The following SMYD3 variants were observed in gnomAD, a reference collection of about 807,000 sequenced individuals.
SMYD3 encodes SET and MYND domain containing 3, also known as histone-lysine N-methyltransferase SMYD3.
Under a neutral mutation model 57.7 loss-of-function variants are expected in SMYD3, and 36 were observed. That is an observed-to-expected ratio of 0.62 (90% confidence interval 0.48 to 0.82). SMYD3 has a LOEUF of 0.82. Among genes scored for constraint, SMYD3 ranks in the 40% least tolerant of loss-of-function variants. The pLI is 0.00. For synonymous variants in SMYD3, 211 were observed against 195.0 expected, an observed-to-expected ratio of 1.08 and a Z score of -0.68; for missense variants, 515 against 538.8, an observed-to-expected ratio of 0.96 and a Z score of 0.44.
At chr1:246,363,089 T>C (rs2066027465) in intron 1 of SMYD3, among the ~76,000 whole-genome samples, 1 of 147,094 alleles carries the variant, frequency 6.8e-6, no homozygotes, top group African/African-American at 2.6e-5. Context: ...TTCTGGGAGG[T>C]GAGGAGCGTC....
chr1:246,471,683 T>A (rs144624845), intron 1 of SMYD3, among the ~76,000 whole-genome samples: 1 of 152,268 alleles, frequency 6.6e-6, no homozygotes, highest in African/African-American at 2.4e-5. Flanking sequence ...CTCTGCTTAC[T>A]GTTCCACTCG....
At chr1:246,033,719 G>A (rs1044486394) in intron 5 of SMYD3, among the ~76,000 whole-genome samples, 4 of 152,088 alleles carry the variant, frequency 2.6e-5, no homozygotes, top group Non-Finnish European at 5.9e-5. Flanking sequence ...CCCAGGAGGT[G>A]GAAGTTGCAG....
At chr1:245,848,516 C>T (rs1322270462) in intron 10 of SMYD3, among the ~76,000 whole-genome samples, 3 of 152,178 alleles carry the variant, frequency 2.0e-5, no homozygotes, top group East Asian at 3.9e-4. Context: ...TCGAGGGATC[C>T]TCCTGCCTCA....
intron 5 of SMYD3, among the ~76,000 whole-genome samples, chr1:246,296,310 T>C (rs570089551): frequency 6.6e-6 from 1 of 152,206 alleles, no homozygotes; most frequent in African/African-American, 2.4e-5. Flanking sequence ...ACTTTAGCCA[T>C]GAACAACTCA....
intron 5 of SMYD3, among the ~76,000 whole-genome samples, chr1:246,307,493 C>G (rs1054038960): frequency 6.9e-6 from 1 of 145,768 alleles, no homozygotes; most frequent in Admixed American, 7.1e-5. Context: ...GATCTCGGCT[C>G]ACTGCAAGCT....
intron 5 of SMYD3, among the ~76,000 whole-genome samples, chr1:246,264,634 G>A (rs1169510172): frequency 1.3e-5 from 2 of 152,074 alleles, no homozygotes; most frequent in Non-Finnish European, 2.9e-5. Flanking sequence ...ACATTCTATG[G>A]GAATTGCAGG....
intron 10 of SMYD3, among the ~76,000 whole-genome samples, chr1:245,810,137 C>T (rs986152987): frequency 1.3e-5 from 2 of 152,204 alleles, no homozygotes; most frequent in Admixed American, 6.5e-5. Flanking sequence ...CCGCAGTACT[C>T]TGGGAGTCTA....
At chr1:245,851,335 G>C (rs528314226) in intron 10 of SMYD3, among the ~76,000 whole-genome samples, 4 of 152,162 alleles carry the variant, frequency 2.6e-5, no homozygotes, top group Non-Finnish European at 5.9e-5. Context: ...AAATATTTTT[G>C]TTGAAAAGGA....
At chr1:245,785,224 G>C (rs2046986823) in intron 10 of SMYD3, among the ~76,000 whole-genome samples, 1 of 152,024 alleles carries the variant, frequency 6.6e-6, no homozygotes, top group Admixed American at 6.5e-5. Context: ...TTACATTACG[G>C]AGAATGTGGA....
chr1:246,115,867 A>G (rs6426276), intron 5 of SMYD3, among the ~76,000 whole-genome samples: 127,741 of 152,184 alleles, frequency 0.84, 53,803 homozygotes, highest in Admixed American at 0.89. Context: ...GGCTGGGCGT[A>G]GTGGCTCACA....
At chr1:246,005,544 CA>C (rs2059153719) in intron 5 of SMYD3, among the ~76,000 whole-genome samples, 1 of 152,186 alleles carries the variant, frequency 6.6e-6, no homozygotes, top group African/African-American at 2.4e-5. Context: ...ATAAGCAAAT[CA>C]AAACTCCCTT....
At chr1:246,337,308 T>A (rs1025101674) in intron 2 of SMYD3, among the ~76,000 whole-genome samples, 4 of 152,224 alleles carry the variant, frequency 2.6e-5, no homozygotes, top group Admixed American at 2.0e-4. Flanking sequence ...AAGAAATGTG[T>A]ATAAATTATT....
At chr1:246,180,760 A>C (rs1572166758) in intron 5 of SMYD3, among the ~76,000 whole-genome samples, 1 of 4,130 alleles carries the variant, frequency 2.4e-4, no homozygotes, top group Middle Eastern at 0.062. Context: ...ACTCTGTCTC[A>C]AAAAAAAAAA....
At chr1:246,370,268 A>C (rs1022809667) in intron 1 of SMYD3, among the ~76,000 whole-genome samples, 2 of 152,214 alleles carry the variant, frequency 1.3e-5, no homozygotes, top group African/African-American at 4.8e-5. Flanking sequence ...ATGGCAATCA[A>C]GAAAGGCAGA....
intron 5 of SMYD3, among the ~76,000 whole-genome samples, chr1:246,003,201 A>G (rs1229727249): frequency 2.0e-5 from 3 of 152,212 alleles, no homozygotes; most frequent in Non-Finnish European, 4.4e-5. Flanking sequence ...AGAAAGGGGA[A>G]AAACTCTATT....
intron 5 of SMYD3, among the ~76,000 whole-genome samples, chr1:246,268,981 T>C (rs2148540572): frequency 6.6e-6 from 1 of 152,154 alleles, no homozygotes; most frequent in South Asian, 2.1e-4. Context: ...AGCTGAAGAG[T>C]AAAAAGTTAC....
intron 1 of SMYD3, among the ~76,000 whole-genome samples, chr1:246,367,378 A>C (rs569756455): frequency 6.6e-6 from 1 of 152,320 alleles, no homozygotes; most frequent in Non-Finnish European, 1.5e-5. Flanking sequence ...ATATAAACTA[A>C]ATTTGAAGAT....
rs559595473 is a variant in SMYD3, at chr1:245,962,227, A to G, written c.532-32290T>C. ...GAAATCCAAAGGCTGCAAGTAATCA[A>G]TCTCACTCCTTGCTCTGTTTTTCCT... On this transcript the variant is annotated intron_variant, in intron 5 of 11. Coordinates refer to ENST00000490107, the MANE Select transcript of SMYD3 (RefSeq NM_001167740.2). Among the ~76,000 whole-genome samples, 4 of 152,308 alleles carry G rather than the reference A, an allele frequency of 2.6e-5. No individual in the cohort carries two copies. In the East Asian group the frequency reaches 5.8e-4, roughly 22 times the overall value.
intron 1 of SMYD3, among the ~76,000 whole-genome samples, chr1:246,403,584 G>A (rs1340686291): frequency 6.6e-6 from 1 of 152,072 alleles, no homozygotes; most frequent in African/African-American, 2.4e-5. Context: ...CCCTATCCTT[G>A]CTGCCTTCTA....
Sources: gnomAD v4.1 joint callset for allele counts (sites outside exome capture counted in the v4.1 genomes callset) on GRCh38, gnomAD v4.1.1 for gene constraint, MANE v1.5 for transcripts, NCBI Gene and HGNC (gene_info 2026-07-23, HGNC 2026-07-21) for gene names.